The following TEAD4 variants were observed in gnomAD, a reference collection of about 807,000 sequenced individuals.
TEAD4 encodes the protein TEA domain transcription factor 4.
TEAD4 carries 36 observed loss-of-function variants against 52.4 expected under a neutral mutation model. The observed-to-expected ratio is 0.69, with a 90% CI of 0.53 to 0.91. The LOEUF is 0.91. Among genes scored for constraint, TEAD4 ranks in the 40% least tolerant of loss-of-function variants. TEAD4 has a pLI of 0.00. For missense variants in TEAD4, 508 were observed against 583.9 expected (o/e 0.87, Z 1.34); for synonymous variants, 220 against 231.0 (o/e 0.95, Z 0.43).
At position 3,040,222 on chromosome 12, in the gene TEAD4, T is replaced by C; in HGVS notation, c.1154T>C (p.Met385Thr). The C allele has an allele frequency of 2.5e-6, 4 of 1,614,212 alleles. No individual in the cohort carries two copies. The highest frequency in any genetic ancestry group is 2.5e-6 in the Non-Finnish European group (3 of 1,180,044). Residue 385 changes from methionine (M) to threonine (T), a missense_variant, in exon 12 of 13, where the codon ATG becomes ACG. Met to Thr is a moderately conservative substitution (Grantham distance 81). Coordinates refer to ENST00000359864, the MANE Select transcript of TEAD4 (RefSeq NM_003213.4). ...CTCAAGCACCTCCCTGAGAAGTACATGATGAACAGCGTGCTGGAGAACTTC... is the reference window on the plus strand; with the variant it reads ...CTCAAGCACCTCCCTGAGAAGTACACGATGAACAGCGTGCTGGAGAACTTC...
chr12:2,979,375 T>C (rs1225203948), intron 2 of TEAD4, among the ~76,000 whole-genome samples: 2 of 152,232 alleles, frequency 1.3e-5, no homozygotes, highest in Non-Finnish European at 2.9e-5. Context: ...ACTTCCGCAC[T>C]ATGCTTGGGA....
At chr12:2,991,664 C>A (rs901733324) in intron 2 of TEAD4, among the ~76,000 whole-genome samples, 6 of 150,782 alleles carry the variant, frequency 4.0e-5, no homozygotes, top group South Asian at 4.2e-4. Flanking sequence ...TCCGTCCCCC[C>A]ACAAAAAAAA....
intron 2 of TEAD4, among the ~76,000 whole-genome samples, chr12:2,968,641 GT>G (rs765848373): frequency 6.6e-6 from 1 of 150,866 alleles, no homozygotes; most frequent in Admixed American, 6.6e-5. Context: ...CCAGGCTGGT[GT>G]TTTTTTTGTT....
intron 12 of TEAD4, 24 bp from the exon 13 acceptor site, chr12:3,040,341 C>T (rs1565556577): frequency 1.2e-6 from 2 of 1,613,980 alleles, no homozygotes; most frequent in Middle Eastern, 1.6e-4. Flanking sequence ...GCCTTATTAA[C>T]CCTTGTCTTT....
intron 2 of TEAD4, among the ~76,000 whole-genome samples, chr12:2,987,102 G>A (rs185901846): frequency 1.3e-5 from 2 of 152,352 alleles, no homozygotes; most frequent in Admixed American, 1.3e-4. Context: ...TTGAGTTTGA[G>A]GAGCTCTGGA....
At chr12:3,012,127 G>T in intron 4 of TEAD4, 43 bp from the exon 5 acceptor site, 1 of 1,608,552 alleles carries the variant, frequency 6.2e-7, no homozygotes, top group Non-Finnish European at 8.5e-7. Flanking sequence ...GGGAACACAG[G>T]TTGTTGGGAG....
intron 3 of TEAD4, among the ~76,000 whole-genome samples, chr12:3,003,796 G>T (rs1037598213): frequency 6.6e-6 from 1 of 152,166 alleles, no homozygotes; most frequent in Non-Finnish European, 1.5e-5. Flanking sequence ...GTTGCAATGC[G>T]CAGCTGCCTG....
chr12:3,017,231 T>C, intron 5 of TEAD4, 167 bp from the exon 6 acceptor site: 2 of 845,386 alleles, frequency 2.4e-6, no homozygotes, highest in East Asian at 2.7e-5. Flanking sequence ...ACCAGCTGAC[T>C]TTCTCAGTTG....
intron 7 of TEAD4, among the ~76,000 whole-genome samples, 141 bp from the exon 8 acceptor site, chr12:3,018,958 GGGGAGTCGGCAGGGGC>G (rs1248179657): frequency 6.6e-6 from 1 of 152,078 alleles, no homozygotes; most frequent in Non-Finnish European, 1.5e-5. Flanking sequence ...ACGAAACCCA[GGGGAGTCGGCAGGGGC>G]GGGAGTAGGA....
chr12:3,038,256 G>T (rs2098280617), intron 11 of TEAD4, 148 bp downstream of exon 11: 1 of 1,062,278 alleles, frequency 9.4e-7, no homozygotes, highest in African/African-American at 1.6e-5. Flanking sequence ...AGTGCTGTGT[G>T]CCTCCCACAC....
In TEAD4 at chr12:3,017,444, C is replaced by T. The variant is rs762215851; in HGVS notation, c.401C>T (p.Ser134Leu). The stretch of plus-strand genomic sequence containing the variant: ...GCCCTGCAGAGCATGGCTGCCATGT[C>T]GTCTGCACAGATCATCTCCGCCACG... Residue 134 changes from serine to leucine, a missense_variant, in exon 6 of 13, where the codon TCG becomes TTG. Transcript: ENST00000359864. 1.9e-5 allele frequency: 31 copies of T among 1,614,176 alleles called. No homozygotes were observed. The highest frequency in any genetic ancestry group is 2.5e-5 in the Non-Finnish European group (30 of 1,180,040).
In TEAD4 at chr12:3,018,474, C is replaced by A. The variant is rs1032227129; in HGVS notation, c.484-71C>A. ...CAGTGGAGGCCCTGCCCGGTCCTAC[C>A]CCCACCCCCACACCACAGGGCCCCG... On this transcript the variant is annotated intron_variant, in intron 6 of 12. Transcript: ENST00000359864. The A allele has an allele frequency of 5.0e-6, 8 of 1,590,852 alleles. No homozygotes were observed. The African/African-American group carries it at 1.1e-4, about 21-fold the overall frequency.
In TEAD4 at chr12:2,959,524, G is replaced by C. The variant is rs1427637000; in HGVS notation, c.-123+43G>C. 1.4e-5 allele frequency: 2 copies of C among 147,748 alleles called. No individual in the cohort carries two copies. The highest frequency in any genetic ancestry group is 3.0e-5 in the Non-Finnish European group (2 of 66,194). The allele number at this position is 147,748 out of a possible 1,614,324, so 9.2% of individuals were successfully genotyped here. ...CCGCCGCACCCGCCGGCGCCCTCAC[G>C]GGCCGCGCGCCCCACGCCGCCGCAG... On this transcript the variant is annotated intron_variant, in intron 1 of 12. Transcript: ENST00000359864. The surrounding 1 kb of genome is among the most constrained non-coding windows in gnomAD (Gnocchi z 5.1).
At chr12:2,969,603 C>T (rs2098223465) in intron 2 of TEAD4, among the ~76,000 whole-genome samples, 1 of 152,146 alleles carries the variant, frequency 6.6e-6, no homozygotes, top group African/African-American at 2.4e-5. Context: ...TGCGGGGATT[C>T]CACTAGATGA....
At chr12:3,039,521 G>A (rs563789217) in intron 11 of TEAD4, among the ~76,000 whole-genome samples, 75 of 152,266 alleles carry the variant, frequency 4.9e-4, no homozygotes, top group Admixed American at 1.1e-3. Flanking sequence ...CAGACTCCCA[G>A]GGGTCCCTGT....
chr12:3,001,638 G>A (rs772459830), intron 3 of TEAD4, among the ~76,000 whole-genome samples: 2 of 152,074 alleles, frequency 1.3e-5, no homozygotes, highest in South Asian at 4.2e-4. Context: ...TTAGCCGGGT[G>A]TGGTGGTGTG....
At chr12:2,986,349 T>C (rs2098238464) in intron 2 of TEAD4, among the ~76,000 whole-genome samples, 1 of 151,306 alleles carries the variant, frequency 6.6e-6, no homozygotes, top group Admixed American at 6.6e-5. Flanking sequence ...TCTAAAATGA[T>C]GATAAAGGCT....
intron 10 of TEAD4, among the ~76,000 whole-genome samples, chr12:3,034,306 C>A (rs2098277942): frequency 6.6e-6 from 1 of 152,086 alleles, no homozygotes; most frequent in African/African-American, 2.4e-5. Flanking sequence ...TTCCTGCTTG[C>A]GCCTGAGGGA....
chr12:2,965,143 C>G (rs527464144), intron 2 of TEAD4, among the ~76,000 whole-genome samples: 13 of 152,194 alleles, frequency 8.5e-5, no homozygotes, highest in African/African-American at 3.1e-4. Context: ...TTGCCCAATT[C>G]TTGGTTAGAT....
Sources: allele counts gnomAD v4.1 joint callset (sites outside exome capture counted in the v4.1 genomes callset), GRCh38; gene constraint gnomAD v4.1.1; non-coding constraint Gnocchi (gnomAD v3.1); transcripts MANE v1.5; gene names NCBI Gene and HGNC (gene_info 2026-07-23, HGNC 2026-07-21).